IL34: variants seen among roughly 807,000 people sequenced by gnomAD.
The protein encoded by IL34 is interleukin-34.
In IL34, 17 loss-of-function variants were observed where a neutral mutation model predicts 25.3. The ratio of observed to expected loss-of-function variants is 0.67; its 90% confidence interval spans 0.46 to 1.01. IL34 has a LOEUF of 1.01. Ranked by LOEUF, IL34 falls within the 50% of genes least tolerant of loss-of-function variation. IL34 has a pLI of 0.00. For synonymous variants in IL34, 174 were observed against 140.9 expected, an observed-to-expected ratio of 1.23 and a Z score of -1.66; for missense variants, 368 against 312.9, an observed-to-expected ratio of 1.18 and a Z score of -1.33.
chr16:70,605,805 G>A (rs896371563), intron 1 of IL34, among the ~76,000 whole-genome samples: 1 of 151,690 alleles, frequency 6.6e-6, no homozygotes, highest in Admixed American at 6.6e-5. Context: ...TGAGTAGCCG[G>A]GATTACAGGT....
rs1170549312 is a variant in IL34, at chr16:70,646,676, C to A, written c.-272C>A. On this transcript the variant is annotated 5_prime_UTR_variant, in exon 1 of 6. Transcript: ENST00000288098. ...TGGAAAGGAAGACCCCGAAAGACCC[C>A]CAAGCCACCGGCTCAGACCTGCTTC... 2.3e-6 allele frequency: 1 copy of A among 441,246 alleles called. No homozygotes were observed. The highest frequency in any genetic ancestry group is 4.0e-6 in the Non-Finnish European group (1 of 252,718). 27.3% of individuals were successfully genotyped at this position (441,246 alleles called of 1,614,324 possible).
upstream of IL34, among the ~76,000 whole-genome samples, chr16:70,644,860 G>GT (rs1212886745): frequency 7.8e-6 from 1 of 128,162 alleles, no homozygotes; most frequent in African/African-American, 4.6e-5. Context: ...AGAGGAGGAA[G>GT]AGGAGGAAGT....
intron 1 of IL34, among the ~76,000 whole-genome samples, chr16:70,620,338 C>G (rs940659189): frequency 6.6e-6 from 1 of 152,134 alleles, no homozygotes; most frequent in Non-Finnish European, 1.5e-5. Flanking sequence ...TTCACCTTGA[C>G]TATGCCTTTG....
intron 1 of IL34, among the ~76,000 whole-genome samples, chr16:70,621,960 T>C (rs960548886): frequency 3.3e-5 from 5 of 152,038 alleles, no homozygotes; most frequent in African/African-American, 1.2e-4. Flanking sequence ...GCAGGGCATA[T>C]TCACTTCTTT....
intron 1 of IL34, among the ~76,000 whole-genome samples, chr16:70,610,657 T>C (rs892392826): frequency 2.0e-5 from 3 of 152,216 alleles, no homozygotes; most frequent in Non-Finnish European, 4.4e-5. Context: ...AGGGGTGGCC[T>C]GGTGGCCAGA....
chr16:70,648,579 G>A (rs1597776608), intron 1 of IL34, among the ~76,000 whole-genome samples: 10 of 140,506 alleles, frequency 7.1e-5, no homozygotes, highest in East Asian at 2.1e-4. Context: ...AAAAAAAGGA[G>A]AAAAGAAAAA....
At chr16:70,615,275 G>T (rs557251379) in intron 1 of IL34, among the ~76,000 whole-genome samples, 287 of 152,298 alleles carry the variant, frequency 1.9e-3, no homozygotes, top group African/African-American at 5.8e-3. Flanking sequence ...TTGGGAGGCC[G>T]AGGTGGGTGG....
intron 1 of IL34, among the ~76,000 whole-genome samples, chr16:70,632,309 T>C (rs1170658602): frequency 1.3e-5 from 2 of 152,198 alleles, no homozygotes; most frequent in Non-Finnish European, 2.9e-5. Context: ...CTAATCCTCA[T>C]GCAGATATCT....
intron 1 of IL34, among the ~76,000 whole-genome samples, chr16:70,598,459 C>T (rs1189141359): frequency 6.6e-6 from 1 of 152,160 alleles, no homozygotes; most frequent in African/African-American, 2.4e-5. Flanking sequence ...AATCTTTTGG[C>T]TGGGCGCAGT....
intron 1 of IL34, among the ~76,000 whole-genome samples, chr16:70,603,260 T>C (rs1567440863): frequency 1.3e-5 from 2 of 152,164 alleles, no homozygotes; most frequent in Non-Finnish European, 2.9e-5. Flanking sequence ...ATAATAAATA[T>C]ACCATTTATT....
At chr16:70,638,076 T>TAC (rs1364950710) in intron 1 of IL34, among the ~76,000 whole-genome samples, 1 of 152,204 alleles carries the variant, frequency 6.6e-6, no homozygotes, top group Non-Finnish European at 1.5e-5. Context: ...TCTTTCTCCA[T>TAC]ACTACAAATC....
At chr16:70,608,054 C>T (rs186904977) in intron 1 of IL34, among the ~76,000 whole-genome samples, 1 of 150,728 alleles carries the variant, frequency 6.6e-6, no homozygotes, top group East Asian at 2.0e-4. Context: ...AGGCGTGAGC[C>T]ACCTTGCCCG....
At position 70,620,279 on chromosome 16, in the gene IL34, T is replaced by G. The variant is rs367632445; in HGVS notation, c.-400-26269T>G. ...AACTGGGCTGGATTTTTATACTTGA[T>G]GAAAAAGAGCCTAAACGCTATCTGA... On this transcript the variant is annotated intron_variant, in intron 1 of 6. Transcript: ENST00000429149. 3.3e-4 allele frequency among the ~76,000 whole-genome samples: 50 copies of G among 152,116 alleles called. No individual in the cohort carries two copies. The East Asian group carries it at 8.7e-3, about 26-fold the overall frequency.
At chr16:70,587,181 A>C (rs2050704593) in intron 1 of IL34, among the ~76,000 whole-genome samples, 1 of 151,994 alleles carries the variant, frequency 6.6e-6, no homozygotes, top group South Asian at 2.1e-4. Flanking sequence ...TGGAGGCCCT[A>C]GGGTGGCCAC....
intron 1 of IL34, among the ~76,000 whole-genome samples, chr16:70,614,176 C>G (rs1356907529): frequency 5.1e-5 from 7 of 136,684 alleles, no homozygotes; most frequent in Admixed American, 7.2e-5. Context: ...GGAGCAAAAC[C>G]CTGTCTCAAA....
chr16:70,642,139 C>T (rs1298357756), upstream of IL34, among the ~76,000 whole-genome samples: 1 of 152,132 alleles, frequency 6.6e-6, no homozygotes, highest in Non-Finnish European at 1.5e-5. Flanking sequence ...AGGGCACCAG[C>T]ATGATTGATT....
chr16:70,634,713 A>G (rs1020715682), intron 1 of IL34, among the ~76,000 whole-genome samples: 1 of 151,912 alleles, frequency 6.6e-6, no homozygotes, highest in Non-Finnish European at 1.5e-5. Context: ...AAGTTCCCTA[A>G]TGCCCCTTTC....
intron 1 of IL34, among the ~76,000 whole-genome samples, chr16:70,608,928 A>G (rs1031326109): frequency 2.6e-5 from 4 of 152,126 alleles, no homozygotes; most frequent in Admixed American, 6.6e-5. Flanking sequence ...ACCTGGTTCC[A>G]ATTGTGCTTC....
At chr16:70,629,374 T>A (rs2051466486) in intron 1 of IL34, among the ~76,000 whole-genome samples, 1 of 152,196 alleles carries the variant, frequency 6.6e-6, no homozygotes, top group African/African-American at 2.4e-5. Flanking sequence ...TTCCTTCTTT[T>A]CCTGATTTTT....
Sources: allele counts gnomAD v4.1 joint callset (sites outside exome capture counted in the v4.1 genomes callset), GRCh38; gene constraint gnomAD v4.1.1; transcripts MANE v1.5; gene names NCBI Gene and HGNC (gene_info 2026-07-23, HGNC 2026-07-21).